PTPRO: variants seen among roughly 807,000 people sequenced by gnomAD.
PTPRO encodes the protein protein tyrosine phosphatase receptor type O.
PTPRO carries 62 observed loss-of-function variants against 145.2 expected under a neutral mutation model. The ratio of observed to expected loss-of-function variants is 0.43; its 90% CI spans 0.35 to 0.53. The LOEUF (loss-of-function observed/expected upper bound fraction) is 0.53. PTPRO is among the 20% of genes least tolerant of loss of function. The pLI is 0.01. For synonymous variants in PTPRO, 565 were observed against 514.7 expected (o/e 1.10, Z -1.32); for missense variants, 1,345 against 1,482.7 (o/e 0.91, Z 1.53).
At chr12:15,496,142 G>GTTT (rs71042255) in intron 2 of PTPRO, among the ~76,000 whole-genome samples, 1 of 75,366 alleles carries the variant, frequency 1.3e-5, no homozygotes, top group African/African-American at 5.2e-5. Flanking sequence ...TTCTTTTTTT[G>GTTT]TTTTTTTTTT....
chr12:15,368,849 A>G (rs1172885129), intron 1 of PTPRO, among the ~76,000 whole-genome samples: 1 of 152,188 alleles, frequency 6.6e-6, no homozygotes, highest in Non-Finnish European at 1.5e-5. Context: ...TTATATTTTT[A>G]AGATGACATA....
chr12:15,552,227 G>A (rs1426176830), intron 15 of PTPRO, among the ~76,000 whole-genome samples: 1 of 152,106 alleles, frequency 6.6e-6, no homozygotes, highest in Admixed American at 6.6e-5. Context: ...TATGATTTCA[G>A]CTCTTCCCTG....
chr12:15,341,503 G>T (rs1866983614), intron 1 of PTPRO, among the ~76,000 whole-genome samples: 1 of 152,166 alleles, frequency 6.6e-6, no homozygotes, highest in African/African-American at 2.4e-5. Flanking sequence ...GTCTAGAGTT[G>T]ATCTGAATGA....
intron 5 of PTPRO, 113 bp downstream of exon 5, chr12:15,502,176 A>C: frequency 1.9e-6 from 2 of 1,077,534 alleles, no homozygotes; most frequent in South Asian, 3.0e-5. Flanking sequence ...TAGTCAAAGA[A>C]TAATGGTAAT....
intron 25 of PTPRO, 89 bp from the exon 26 acceptor site, chr12:15,594,848 C>G: frequency 1.1e-6 from 1 of 915,036 alleles, no homozygotes; most frequent in Non-Finnish European, 1.7e-6. Flanking sequence ...CCTTTAACAC[C>G]AGATCTTGAT....
chr12:15,495,257 GAAAACTCC>G (rs1942077123), intron 2 of PTPRO, among the ~76,000 whole-genome samples: 1 of 151,284 alleles, frequency 6.6e-6, no homozygotes, highest in Admixed American at 6.6e-5. Context: ...CTGTTTTTCA[GAAAACTCC>G]AGGAAAAATC....
chr12:15,536,223 G>A (rs1402353048), intron 12 of PTPRO, among the ~76,000 whole-genome samples: 1 of 152,182 alleles, frequency 6.6e-6, no homozygotes, highest in Non-Finnish European at 1.5e-5. Context: ...ATGTTAAATG[G>A]TGATAAGTGT....
chr12:15,507,909 G>C (rs184837639), intron 6 of PTPRO, among the ~76,000 whole-genome samples: 2 of 152,308 alleles, frequency 1.3e-5, no homozygotes, highest in East Asian at 1.9e-4. Flanking sequence ...AACATGTCTT[G>C]AGTCCTTACT....
chr12:15,486,721 A>G (rs1941895698), intron 2 of PTPRO, among the ~76,000 whole-genome samples: 1 of 152,008 alleles, frequency 6.6e-6, no homozygotes, highest in Non-Finnish European at 1.5e-5. Context: ...ATAAATTTAA[A>G]TAGAAATAAA....
At chr12:15,416,960 G>A (rs963287409) in intron 1 of PTPRO, among the ~76,000 whole-genome samples, 3 of 151,334 alleles carry the variant, frequency 2.0e-5, no homozygotes, top group East Asian at 1.9e-4. Flanking sequence ...ATTAAGGTTC[G>A]GTCTATACAC....
chr12:15,440,715 C>G (rs1466974541), intron 1 of PTPRO, among the ~76,000 whole-genome samples: 1 of 152,070 alleles, frequency 6.6e-6, no homozygotes, highest in African/African-American at 2.4e-5. Context: ...AACAAAAAAG[C>G]AGGGGTCACT....
At chr12:15,548,516 G>C (rs1172543492) in intron 13 of PTPRO, among the ~76,000 whole-genome samples, 1 of 144,544 alleles carries the variant, frequency 6.9e-6, no homozygotes, top group African/African-American at 2.6e-5. Context: ...GTGTATATAT[G>C]TGTGTATATA....
intron 1 of PTPRO, among the ~76,000 whole-genome samples, chr12:15,429,712 A>G (rs576290728): frequency 6.6e-6 from 1 of 152,308 alleles, no homozygotes; most frequent in East Asian, 1.9e-4. Context: ...GCAGAGAGCA[A>G]CATGACCTGT....
Position 15,483,184 on chromosome 12 carries a change from A to G in PTPRO, c.76-790A>G, listed in dbSNP as rs143311816. Among the ~76,000 whole-genome samples the G allele has an allele frequency of 8.0e-3, 1,214 of 152,288 alleles. 14 individuals are homozygous for G. The highest frequency in any genetic ancestry group is 0.028 in the African/African-American group (1,167 of 41,568). The stretch of plus-strand genomic sequence containing the variant: ...AACCCAAGCACATGGTACAAAGTAC[A>G]TGAGTCTTGTTTGAGACCAGAAAGA... On this transcript the variant is annotated intron_variant, in intron 1 of 26. Transcript: ENST00000281171.
At chr12:15,580,904 G>A in intron 22 of PTPRO, 73 bp downstream of exon 22, 2 of 1,572,046 alleles carry the variant, frequency 1.3e-6, no homozygotes, top group South Asian at 1.1e-5. Flanking sequence ...TGAAATGCTT[G>A]CTGTTTTCAA....
intron 1 of PTPRO, among the ~76,000 whole-genome samples, chr12:15,371,579 C>A (rs777577423): frequency 9.9e-5 from 15 of 152,068 alleles, no homozygotes; most frequent in African/African-American, 2.2e-4. Flanking sequence ...GATGATCAGC[C>A]CTACCCATTC....
intron 6 of PTPRO, among the ~76,000 whole-genome samples, chr12:15,506,316 C>G (rs947465863): frequency 1.3e-5 from 2 of 152,138 alleles, no homozygotes; most frequent in Admixed American, 6.6e-5. Flanking sequence ...AGCAATGACT[C>G]AAGAGACAGG....
rs1449451731 is a variant in PTPRO at position 15,578,824 on chromosome 12, C to T, written c.2830-29C>T. On this transcript the variant is annotated intron_variant, in intron 19 of 26. Transcript: ENST00000281171. ...AATCCAATTCACACCACGTATGGAA[C>T]TCTCAAATCCATTCTCTGTCCTTTA... is the stretch of plus-strand genomic sequence containing the variant. 4.7e-6 allele frequency: 7 copies of T among 1,498,508 alleles called. No individual in the cohort carries two copies. In the East Asian group the frequency reaches 1.1e-4, roughly 24 times the overall value. 92.8% of individuals were successfully genotyped at this position (1,498,508 alleles called of 1,614,324 possible).
chr12:15,543,092 C>G (rs1362679591), intron 12 of PTPRO, among the ~76,000 whole-genome samples: 1 of 152,048 alleles, frequency 6.6e-6, no homozygotes, highest in Non-Finnish European at 1.5e-5. Flanking sequence ...AAATTTCTGC[C>G]TGATTAATTT....
Sources: allele counts gnomAD v4.1 joint callset (sites outside exome capture counted in the v4.1 genomes callset), GRCh38; gene constraint gnomAD v4.1.1; transcripts MANE v1.5; gene names NCBI Gene and HGNC (gene_info 2026-07-23, HGNC 2026-07-21).